The following GSTK1 variants were observed in gnomAD, a reference collection of about 807,000 sequenced individuals.
The protein encoded by GSTK1 is GST class-kappa.
In GSTK1, 25 loss-of-function variants were observed where a neutral mutation model predicts 30.9. The observed-to-expected ratio is 0.81, with a 90% CI of 0.59 to 1.13. GSTK1 has a LOEUF of 1.13. Among genes scored for constraint, GSTK1 ranks in the 50% most tolerant of loss-of-function variants. The pLI, the probability that GSTK1 is intolerant of heterozygous loss-of-function variation, is 0.00. For synonymous variants in GSTK1, 108 were observed against 112.5 expected, an observed-to-expected ratio of 0.96 and a Z score of 0.25; for missense variants, 292 against 292.4, an observed-to-expected ratio of 1.00 and a Z score of 0.01.
chr7:143,263,463 G>A lies in GSTK1; in HGVS notation c.-51G>A, dbSNP rs768439438. The A allele has an allele frequency of 6.4e-7, 1 of 1,551,248 alleles. No homozygotes were observed. Among genetic ancestry groups the A allele is most frequent in the Non-Finnish European group, 8.8e-7 (1 of 1,130,834 alleles). ...CCCAGAAGCTGGGCAGCCTCTGCCG[G>A]GTTCCGGGAAAAGGAGCTCCTGCTG... On this transcript the variant is annotated 5_prime_UTR_variant, in exon 1 of 8. Transcript: ENST00000358406.
intron 5 of GSTK1, 86 bp from the exon 6 acceptor site, chr7:143,267,531 A>T (rs1210883716): frequency 5.7e-6 from 6 of 1,053,928 alleles, no homozygotes; most frequent in Middle Eastern, 2.2e-4. Flanking sequence ...ACTTGGGGGC[A>T]GAAAATAAAA....
At chr7:143,265,505 G>C (rs1427122552) in intron 5 of GSTK1, among the ~76,000 whole-genome samples, 1 of 152,150 alleles carries the variant, frequency 6.6e-6, no homozygotes, top group Non-Finnish European at 1.5e-5. Context: ...AAGGGGAAGT[G>C]CAAAAGGGAC....
At chr7:143,267,211 A>T (rs1270721509) in intron 5 of GSTK1, among the ~76,000 whole-genome samples, 1 of 152,208 alleles carries the variant, frequency 6.6e-6, no homozygotes, top group Admixed American at 6.5e-5. Context: ...GAACTGTGAG[A>T]GGTAGGAAGG....
rs760129570 is a variant in GSTK1 at position 143,263,571 on chromosome 7, T to C, written c.58T>C (p.Trp20Arg). Residue 20 changes from tryptophan (W) to arginine (R), a missense_variant, in exon 1 of 8, where the codon TGG (tryptophan) becomes CGG (arginine). Transcript: ENST00000358406. ...CTATGACGTGCTGTCCCCCTACTCC[T>C]GGCTGGGCTTCGAGGTGACGCTGGG... ...LFYDVLSPYS[W>R]LGFEILCRYQ... 31 of 1,609,670 alleles carry C rather than the reference T, an allele frequency of 1.9e-5. No homozygotes were observed. The highest frequency in any genetic ancestry group is 2.5e-5 in the Non-Finnish European group (29 of 1,179,976).
intron 5 of GSTK1, among the ~76,000 whole-genome samples, chr7:143,266,198 C>A (rs1279472908): frequency 1.3e-5 from 2 of 151,524 alleles, no homozygotes; most frequent in Non-Finnish European, 1.5e-5. Context: ...GTCTGGCTAA[C>A]TTTTTTATTT....
rs770268513 is a variant in GSTK1, at chr7:143,268,741, A to G, written c.632-47A>G. ...CCTTGTGGGACCAACTCCTGCTGCC[A>G]GAACACCTGAGAACAGTGTGCAGAG... On this transcript the variant is annotated intron_variant, in intron 7 of 7. Transcript: ENST00000358406. This position sits in a 1 kb window ranked among gnomAD's most constrained non-coding sequence, Gnocchi z 4.1. The G allele has an allele frequency of 6.3e-7, 1 of 1,581,880 alleles. No homozygotes were observed. The highest frequency in any genetic ancestry group is 1.1e-5 in the South Asian group (1 of 90,432).
At chr7:143,266,023 CTTTTTTTT>C (rs11296238) in intron 5 of GSTK1, among the ~76,000 whole-genome samples, 3 of 69,254 alleles carry the variant, frequency 4.3e-5, no homozygotes, top group Admixed American at 4.0e-4. Context: ...ATTTTCCATG[CTTTTTTTT>C]TTTTTTTTTT....
Position 143,267,671 on chromosome 7 carries a change from A to T in GSTK1, c.475A>T (p.Ile159Phe), listed in dbSNP as rs113193886. The change falls in exon 6 of 8, where the codon ATC becomes TTC. Residue 159 changes from isoleucine (I) to phenylalanine (F), a missense_variant. By Grantham distance (21) the Ile-to-Phe change is conservative. Coordinates refer to ENST00000358406, the MANE Select transcript of GSTK1 (RefSeq NM_015917.3). ...ACAAGCCCAGGGACTTCTGGAAAAG[A>T]TCGCAACGCCAAAGGTGAAGAACCA... Reference protein sequence around the residue: ...AEQAQGLLEKIATPKVKNQLK... With the variant: ...AEQAQGLLEKFATPKVKNQLK... 1.2e-6 allele frequency: 2 copies of T among 1,614,196 alleles called. No homozygotes were observed. The highest frequency in any genetic ancestry group is 1.7e-6 in the Non-Finnish European group (2 of 1,180,020).
chr7:143,263,451 C>T lies in GSTK1; in HGVS notation c.-63C>T. 3.4e-6 allele frequency: 5 copies of T among 1,476,726 alleles called. No individual in the cohort carries two copies. The highest frequency in any genetic ancestry group is 2.8e-6 in the Non-Finnish European group (3 of 1,064,168). The allele number at this position is 1,476,726 out of a possible 1,614,324, so 91.5% of individuals were successfully genotyped here. On this transcript the variant is annotated 5_prime_UTR_variant, in exon 1 of 8. Transcript: ENST00000358406. ...GTCCCAGGCAGGCCCAGAAGCTGGG[C>T]AGCCTCTGCCGGGTTCCGGGAAAAG...
intron 5 of GSTK1, 114 bp downstream of exon 5, chr7:143,265,410 G>A (rs1481092347): frequency 5.4e-6 from 5 of 932,424 alleles, no homozygotes; most frequent in Non-Finnish European, 7.8e-6. Context: ...TATAATTACT[G>A]GGGAAGAAAG....
At position 143,268,968 on chromosome 7, in the gene GSTK1, G is replaced by C; in HGVS notation, c.*131G>C. On this transcript the variant is annotated 3_prime_UTR_variant, in exon 8 of 8. Coordinates refer to ENST00000358406, the MANE Select transcript of GSTK1 (RefSeq NM_015917.3). The surrounding 1 kb of genome is among the most constrained non-coding windows in gnomAD (Gnocchi z 4.1). ...GGTATTTTCTGTGGCCCTGGGAGCT[G>C]TCTGTCTTTCCCCTACCCCCAAGGA... 1 of 792,962 alleles carries C rather than the reference G, an allele frequency of 1.3e-6. No homozygotes were observed. The highest frequency in any genetic ancestry group is 2.2e-6 in the Non-Finnish European group (1 of 464,612). The allele number at this position is 792,962 out of a possible 1,614,324, so 49.1% of individuals were successfully genotyped here.
At chr7:143,266,932 T>A (rs867341661) in intron 5 of GSTK1, among the ~76,000 whole-genome samples, 13 of 152,086 alleles carry the variant, frequency 8.5e-5, no homozygotes, top group Admixed American at 4.6e-4. Context: ...AGTGCTAGAA[T>A]TACAGGCATG....
At chr7:143,267,774 A>G in intron 6 of GSTK1, 41 bp downstream of exon 6, 1 of 1,351,594 alleles carries the variant, frequency 7.4e-7, no homozygotes, top group Non-Finnish European at 1.1e-6. Context: ...CCCATCCTGA[A>G]GATGGAGACT....
rs368507449 is a variant in GSTK1, at chr7:143,263,582, C to A, written c.69C>A (p.Phe23Leu). 2.5e-6 allele frequency: 4 copies of A among 1,608,744 alleles called. No individual in the cohort carries two copies. The highest frequency in any genetic ancestry group is 3.4e-6 in the Non-Finnish European group (4 of 1,179,912). ...TGTCCCCCTACTCCTGGCTGGGCTTCGAGGTGACGCTGGGAGGGGTCGCCT... is the reference window on the plus strand; with the variant it reads ...TGTCCCCCTACTCCTGGCTGGGCTTAGAGGTGACGCTGGGAGGGGTCGCCT... ...DVLSPYSWLG[F>L]EILCRYQNIW... is the part of the protein sequence containing the mutation. The change falls in exon 1 of 8, where the codon TTC becomes TTA. Residue 23 changes from phenylalanine to leucine, a missense_variant. Transcript: ENST00000358406.
In GSTK1 at chr7:143,265,286, G is replaced by A; in HGVS notation, c.410G>A (p.Ser137Asn). Residue 137 changes from serine (S) to asparagine (N), a missense_variant, in exon 5 of 8, where the codon AGC becomes AAC. Ser to Asn is a conservative substitution (Grantham distance 46). Coordinates refer to ENST00000358406, the MANE Select transcript of GSTK1 (RefSeq NM_015917.3). ...AATGAAGACATCACCGAGCCGCAGAGCATCCTGGCGGTGAGTGTCCTGGCT... is the reference window on the plus strand; with the variant it reads ...AATGAAGACATCACCGAGCCGCAGAACATCCTGGCGGTGAGTGTCCTGGCT... ...SRNEDITEPQ[S>N]ILAAAEKAGM... 2 of 1,602,688 alleles carry A rather than the reference G, an allele frequency of 1.2e-6. No homozygotes were observed. The highest frequency in any genetic ancestry group is 1.1e-5 in the South Asian group (1 of 88,922).
chr7:143,266,313 G>A (rs1800878314), intron 5 of GSTK1, among the ~76,000 whole-genome samples: 1 of 152,064 alleles, frequency 6.6e-6, no homozygotes, highest in African/African-American at 2.4e-5. Context: ...TTACAGGAAT[G>A]AGCCACTGTG....
At chr7:143,267,123 C>T (rs1343515423) in intron 5 of GSTK1, among the ~76,000 whole-genome samples, 1 of 152,120 alleles carries the variant, frequency 6.6e-6, no homozygotes, top group African/African-American at 2.4e-5. Flanking sequence ...CAGCCATGTG[C>T]CTTGTTACAA....
At position 143,265,095 on chromosome 7, in the gene GSTK1, G is replaced by C. The variant is rs375554522; in HGVS notation, c.384+3G>C. 1 of 1,614,054 alleles carries C rather than the reference G, an allele frequency of 6.2e-7. No homozygotes were observed. Among genetic ancestry groups the C allele is most frequent in the African/African-American group, 1.3e-5 (1 of 74,918 alleles). On this transcript the variant is annotated splice_donor_region_variant and intron_variant, in intron 4 of 7. Coordinates refer to ENST00000358406, the MANE Select transcript of GSTK1 (RefSeq NM_015917.3). Reference sequence around the variant, plus strand: ...TGTGGATGCGCGTCTGGTCAAGGGTGAGTGTGGGGCTCTGGGAATCCTCTG... The same window carrying C: ...TGTGGATGCGCGTCTGGTCAAGGGTCAGTGTGGGGCTCTGGGAATCCTCTG...
At chr7:143,263,949 T>G (rs554304205) in intron 1 of GSTK1, 137 bp from the exon 2 acceptor site, 13 of 715,824 alleles carry the variant, frequency 1.8e-5, no homozygotes, top group Non-Finnish European at 2.6e-5. Flanking sequence ...TGAGGAGAGT[T>G]TTGCCAATTT....
Sources: allele counts gnomAD v4.1 joint callset (sites outside exome capture counted in the v4.1 genomes callset), GRCh38; gene constraint gnomAD v4.1.1; non-coding constraint Gnocchi (gnomAD v3.1); transcripts MANE v1.5; gene names NCBI Gene and HGNC (gene_info 2026-07-23, HGNC 2026-07-21).